HTR3D: variants seen among roughly 807,000 people sequenced by gnomAD.
HTR3D encodes the protein 5-hydroxytryptamine (serotonin) receptor 3 family member D.
A neutral mutation model predicts 45.8 loss-of-function variants in HTR3D; 47 were observed. The observed-to-expected ratio is 1.03, with a 90% confidence interval of 0.81 to 1.31. The LOEUF is 1.31. Among genes scored for constraint, HTR3D ranks in the 50% most tolerant of loss-of-function variants. The pLI is 0.00. For missense variants in HTR3D, 448 were observed against 506.9 expected, an observed-to-expected ratio of 0.88 and a Z score of 1.12; for synonymous variants, 203 against 199.8, an observed-to-expected ratio of 1.02 and a Z score of -0.13.
rs761284699 is a variant in HTR3D, at chr3:184,036,861, G to A, written c.481G>A (p.Val161Met). The change falls in exon 5 of 8, where the codon GTG (valine) becomes ATG (methionine). Residue 161 changes from valine to methionine, a missense_variant. By Grantham distance (21) the Val-to-Met change is conservative. Coordinates refer to ENST00000428798, the MANE Select transcript of HTR3D (RefSeq NM_001145143.1). Reference sequence around the variant, plus strand: ...CCAAAAAAGAACAATAAAGGTGACCGTGGCCACTAACCAGTATGAACAAGC... The same window carrying A: ...CCAAAAAAGAACAATAAAGGTGACCATGGCCACTAACCAGTATGAACAAGC... ...GIQKRTIKVT[V>M]ATNQYEQAIF... The A allele has an allele frequency of 3.2e-5, 50 of 1,551,456 alleles. No individual in the cohort carries two copies. Among genetic ancestry groups the A allele is most frequent in the South Asian group, 5.9e-5 (5 of 84,066 alleles).
At chr3:184,035,040 T>C in intron 1 of HTR3D, 138 bp from the exon 2 acceptor site, 1 of 1,501,272 alleles carries the variant, frequency 6.7e-7, no homozygotes, top group South Asian at 1.3e-5. Flanking sequence ...ATTGTTTTGA[T>C]CTACATCATT....
chr3:184,037,612 A>G (rs1722945718), intron 5 of HTR3D, among the ~76,000 whole-genome samples: 1 of 152,218 alleles, frequency 6.6e-6, no homozygotes, highest in South Asian at 2.1e-4. Context: ...AAAATATCTG[A>G]TACTGTCTGC....
At chr3:184,036,203 G>A (rs1354352689) in intron 3 of HTR3D, 103 bp downstream of exon 3, 7 of 1,487,106 alleles carry the variant, frequency 4.7e-6, no homozygotes, top group South Asian at 1.4e-5. Flanking sequence ...AAAGAGCAGA[G>A]TCTGAATTGA....
chr3:184,036,444 C>A lies in HTR3D; in HGVS notation c.267C>A (p.Ser89Arg). 1 of 1,614,204 alleles carries A rather than the reference C, an allele frequency of 6.2e-7. No homozygotes were observed. Among genetic ancestry groups the A allele is most frequent in the Non-Finnish European group, 8.5e-7 (1 of 1,180,038 alleles). The part of the protein sequence containing the change: ...SIVKATSNTI[S>R]QCGWSASANW... ...TGAAGGCCACATCAAACACAATAAG[C>A]CAATGTGGGTGGTCAGCATCTGCAA... Residue 89 changes from serine to arginine, a missense_variant, in exon 4 of 8, where the codon AGC (serine) becomes AGA (arginine). Coordinates refer to ENST00000428798, the MANE Select transcript of HTR3D (RefSeq NM_001145143.1).
intron 4 of HTR3D, 43 bp downstream of exon 4, chr3:184,036,587 C>G (rs753380679): frequency 6.2e-7 from 1 of 1,609,714 alleles, no homozygotes; most frequent in Non-Finnish European, 8.5e-7. Flanking sequence ...AGAGAAAGGG[C>G]TTTGAGTGAG....
rs1269986446 is a variant in HTR3D, at chr3:184,036,836, C to A, written c.456C>A (p.Ile152=). 2 of 1,551,544 alleles carry A rather than the reference C, an allele frequency of 1.3e-6. No individual in the cohort carries two copies. Among genetic ancestry groups the A allele is most frequent in the African/African-American group, 1.4e-5 (1 of 73,116 alleles). ...RTRREWVLLG[I]QKRTIKVTVA... ...GGAGGGAGTGGGTACTGCTGGGTAT[C>A]CAAAAAAGAACAATAAAGGTGACCG... The change falls in exon 5 of 8, where the codon ATC becomes ATA. Residue 152 remains isoleucine, a synonymous_variant. Coordinates refer to ENST00000428798, the MANE Select transcript of HTR3D (RefSeq NM_001145143.1).
rs373522764 is a variant in HTR3D at position 184,038,244 on chromosome 3, G to A, written c.740G>A (p.Arg247His). 23 of 1,614,048 alleles carry A rather than the reference G, an allele frequency of 1.4e-5. No individual in the cohort carries two copies. Among genetic ancestry groups the A allele is most frequent in the African/African-American group, 2.7e-5 (2 of 74,922 alleles). The change falls in exon 6 of 8, where the codon CGT (arginine) becomes CAT (histidine). Residue 247 changes from arginine (R) to histidine (H), a missense_variant. By Grantham distance (29) the Arg-to-His change is conservative. Coordinates refer to ENST00000428798, the MANE Select transcript of HTR3D (RefSeq NM_001145143.1). This position sits in a 1 kb window ranked among gnomAD's most constrained non-coding sequence, Gnocchi z 4.5. ...TSTSSHASLVRPHPSRDQKRG... is the reference protein window; with the variant it reads ...TSTSSHASLVHPHPSRDQKRG... ...ACTTCATCACATGCTTCACTAGTAC[G>A]TCCTCATCCATCAAGAGACCAAAAG...
upstream of HTR3D, chr3:184,031,567 A>G (rs141232512): frequency 2.1e-5 from 12 of 576,448 alleles, no homozygotes; most frequent in African/African-American, 2.1e-4. Flanking sequence ...CAGTTAAAGC[A>G]CAGGGTGAGT....
chr3:184,035,690 C>A (rs947457605), intron 2 of HTR3D, among the ~76,000 whole-genome samples: 1 of 143,016 alleles, frequency 7.0e-6, no homozygotes, highest in Non-Finnish European at 1.5e-5. Flanking sequence ...ACAATCAATT[C>A]TTTTTTTTTT....
At chr3:184,034,777 G>A (rs771196396) in intron 1 of HTR3D, among the ~76,000 whole-genome samples, 144 of 143,370 alleles carry the variant, frequency 1.0e-3, no homozygotes, top group Admixed American at 2.1e-3. Flanking sequence ...GCAGTGAGCC[G>A]AAATGGCGCC....
chr3:184,037,415 G>A (rs1362620977), intron 5 of HTR3D, among the ~76,000 whole-genome samples: 1 of 152,164 alleles, frequency 6.6e-6, no homozygotes, highest in East Asian at 1.9e-4. Flanking sequence ...ACTAAATAAA[G>A]CATCCCTTGA....
rs180765665 is a variant in HTR3D, at chr3:184,036,940, C to G, written c.516+44C>G. 27 of 1,536,116 alleles carry G rather than the reference C, an allele frequency of 1.8e-5. No individual in the cohort carries two copies. The African/African-American group carries it at 3.2e-4, about 18-fold the overall frequency. On this transcript the variant is annotated intron_variant, in intron 5 of 7. Transcript: ENST00000428798. ...ACAAGGTTTCACCATGTTGGCCAGG[C>G]TGGTCTTGAACTCCTGGCTTCAGGT...
intron 2 of HTR3D, among the ~76,000 whole-genome samples, chr3:184,035,602 G>A (rs987374550): frequency 8.5e-5 from 13 of 152,110 alleles, no homozygotes; most frequent in Admixed American, 6.6e-4. Flanking sequence ...GGAAAGGGAA[G>A]GTGCAGAAGA....
Position 184,035,167 on chromosome 3 carries a change from T to C in HTR3D, c.67-11T>C. The C allele has an allele frequency of 6.4e-7, 1 of 1,551,994 alleles. No homozygotes were observed. The highest frequency in any genetic ancestry group is 8.7e-7 in the Non-Finnish European group (1 of 1,147,020). Reference sequence around the variant, plus strand: ...TGGAGTTAATCATCTAGATGAAAGCTGCTATTCCAGGATTCACACCTTCAA... The same window carrying C: ...TGGAGTTAATCATCTAGATGAAAGCCGCTATTCCAGGATTCACACCTTCAA... On this transcript the variant is annotated splice_polypyrimidine_tract_variant and intron_variant, in intron 1 of 7. Coordinates refer to ENST00000428798, the MANE Select transcript of HTR3D (RefSeq NM_001145143.1).
In HTR3D at chr3:184,038,631, G is replaced by C; in HGVS notation, c.985+7G>C. The stretch of plus-strand genomic sequence containing the variant: ...ACCCCCACCCACCTGCCCGGTGAGG[G>C]AAGTCATACTTCCTCTTCCCCCACC... On this transcript the variant is annotated splice_region_variant and intron_variant, in intron 7 of 7. Coordinates refer to ENST00000428798, the MANE Select transcript of HTR3D (RefSeq NM_001145143.1). This position sits in a 1 kb window ranked among gnomAD's most constrained non-coding sequence, Gnocchi z 4.5. 1 of 1,610,360 alleles carries C rather than the reference G, an allele frequency of 6.2e-7. No homozygotes were observed. Among genetic ancestry groups the C allele is most frequent in the Non-Finnish European group, 8.5e-7 (1 of 1,178,124 alleles).
chr3:184,032,815 C>A (rs1481453426), intron 1 of HTR3D: 1 of 1,533,194 alleles, frequency 6.5e-7, no homozygotes, highest in Non-Finnish European at 8.8e-7. Flanking sequence ...CTCCCAGTGC[C>A]CCCTGTTTTC....
chr3:184,038,865 G>T lies in HTR3D; in HGVS notation c.1105G>T (p.Val369Leu), dbSNP rs1722995353. 1 of 1,614,240 alleles carries T rather than the reference G, an allele frequency of 6.2e-7. No homozygotes were observed. The highest frequency in any genetic ancestry group is 8.5e-7 in the Non-Finnish European group (1 of 1,180,042). ...ACACGAGGCCCAGAAGCAGCACTCGGTGGAGCTGTGGGTGCAGTTCAGCCA... is the reference window on the plus strand; with the variant it reads ...ACACGAGGCCCAGAAGCAGCACTCGTTGGAGCTGTGGGTGCAGTTCAGCCA... ...REHEAQKQHS[V>L]ELWVQFSHAM... The change falls in exon 8 of 8, where the codon GTG becomes TTG. Residue 369 changes from valine (V) to leucine (L), a missense_variant. Physicochemically the swap from Val to Leu is conservative, Grantham distance 32. Coordinates refer to ENST00000428798, the MANE Select transcript of HTR3D (RefSeq NM_001145143.1). The surrounding 1 kb of genome is among the most constrained non-coding windows in gnomAD (Gnocchi z 4.5).
In HTR3D at chr3:184,036,444, C is replaced by T; in HGVS notation, c.267C>T (p.Ser89=). 2.2e-5 allele frequency: 36 copies of T among 1,614,204 alleles called. No homozygotes were observed. Among genetic ancestry groups the T allele is most frequent in the Non-Finnish European group, 3.0e-5 (35 of 1,180,038 alleles). ...SIVKATSNTI[S]QCGWSASANW... ...TGAAGGCCACATCAAACACAATAAG[C>T]CAATGTGGGTGGTCAGCATCTGCAA... Residue 89 remains serine (S), a synonymous_variant, in exon 4 of 8, where the codon AGC becomes AGT. Coordinates refer to ENST00000428798, the MANE Select transcript of HTR3D (RefSeq NM_001145143.1).
chr3:184,036,420 G>C lies in HTR3D; in HGVS notation c.243G>C (p.Val81=). ...PAGLMASMSI[V]KATSNTISQC... ...GTCTCATGGCTAGTATGTCAATAGT[G>C]AAGGCCACATCAAACACAATAAGCC... Residue 81 remains valine, a synonymous_variant, in exon 4 of 8, where the codon GTG becomes GTC. Coordinates refer to ENST00000428798, the MANE Select transcript of HTR3D (RefSeq NM_001145143.1). The C allele has an allele frequency of 6.2e-7, 1 of 1,614,204 alleles. No homozygotes were observed. The highest frequency in any genetic ancestry group is 1.7e-4 in the Middle Eastern group (1 of 6,058).
Sources: allele counts gnomAD v4.1 joint callset (sites outside exome capture counted in the v4.1 genomes callset), GRCh38; gene constraint gnomAD v4.1.1; non-coding constraint Gnocchi (gnomAD v3.1); transcripts MANE v1.5; gene names NCBI Gene and HGNC (gene_info 2026-07-23, HGNC 2026-07-21).